The following HIBCH variants were observed in gnomAD, a reference collection of about 807,000 sequenced individuals.
The protein encoded by HIBCH is 3-hydroxyisobutyryl-CoA hydrolase, also known as 3-hydroxyisobutyryl-CoA hydrolase, mitochondrial.
A neutral mutation model predicts 58.2 loss-of-function variants in HIBCH; 50 were observed. The observed-to-expected ratio is 0.86, with a 90% confidence interval of 0.68 to 1.09. The LOEUF (loss-of-function observed/expected upper bound fraction) is 1.09. Ranked by LOEUF, HIBCH falls within the 50% of genes least tolerant of loss-of-function variation. The probability of loss-of-function intolerance (pLI) is 0.00; values close to 1 mark genes in which losing one functional copy is unlikely to be tolerated. For synonymous variants in HIBCH, 151 were observed against 146.9 expected (o/e 1.03, Z -0.20); for missense variants, 450 against 449.7 (o/e 1.00, Z -0.01).
At chr2:190,225,036 A>C (rs1193774585) in intron 11 of HIBCH, among the ~76,000 whole-genome samples, 1 of 152,228 alleles carries the variant, frequency 6.6e-6, no homozygotes, top group African/African-American at 2.4e-5. Flanking sequence ...TACATAACGA[A>C]ATGAAGGCAG....
intron 4 of HIBCH, among the ~76,000 whole-genome samples, chr2:190,290,770 G>A (rs555806368): frequency 3.3e-5 from 5 of 152,200 alleles, no homozygotes; most frequent in African/African-American, 1.2e-4. Flanking sequence ...ACCTGTAATC[G>A]CAGCACTTTG....
In HIBCH at chr2:190,306,838, G is replaced by A. The variant is rs1350787947; in HGVS notation, c.78+3916C>T. 2.6e-5 allele frequency among the ~76,000 whole-genome samples: 4 copies of A among 152,096 alleles called. No individual in the cohort carries two copies. The highest frequency in any genetic ancestry group is 2.9e-5 in the Non-Finnish European group (2 of 68,024). On this transcript the variant is annotated intron_variant, in intron 2 of 13. Transcript: ENST00000359678. The surrounding 1 kb of genome is among the most constrained non-coding windows in gnomAD (Gnocchi z 4.6). ...AGGTCATGTCAGCCCTCATGAATGA[G>A]ATTAACGCCCTTATAAAAGAAACCC... is the stretch of plus-strand genomic sequence containing the variant.
At chr2:190,261,321 A>G in intron 6 of HIBCH, 87 bp from the exon 7 acceptor site, 1 of 946,930 alleles carries the variant, frequency 1.1e-6, no homozygotes, top group Non-Finnish European at 1.7e-6. Flanking sequence ...CAAAATTACA[A>G]AGCAAGTAAA....
At position 190,208,889 on chromosome 2, in the gene HIBCH, C is replaced by T. The variant is rs367938014; in HGVS notation, c.1036G>A (p.Val346Ile). 3.9e-5 allele frequency: 63 copies of T among 1,613,492 alleles called. No homozygotes were observed. Among genetic ancestry groups the T allele is most frequent in the African/African-American group, 2.0e-4 (15 of 74,884 alleles). ...CMRGHDFHEG[V>I]RAVLIDKDQS... Reference sequence around the variant, plus strand: ...CCCATTTGCCACTTACCAGCTCTAACGCCTTCATGAAAGTCATGACCTCTC... The same window carrying T: ...CCCATTTGCCACTTACCAGCTCTAATGCCTTCATGAAAGTCATGACCTCTC... The change falls in exon 13 of 14, where the codon GTT becomes ATT. Residue 346 changes from valine (V) to isoleucine (I), a missense_variant. Coordinates refer to ENST00000359678, the MANE Select transcript of HIBCH (RefSeq NM_014362.4).
At chr2:190,199,923 G>C (rs766241142), downstream of HIBCH, 1 of 1,614,112 alleles carries the variant, frequency 6.2e-7, no homozygotes, top group Non-Finnish European at 8.5e-7. Flanking sequence ...GTGAGAAGCA[G>C]CATGAGAGTG....
intron 6 of HIBCH, among the ~76,000 whole-genome samples, chr2:190,262,700 C>A (rs995783790): frequency 6.6e-6 from 1 of 152,206 alleles, no homozygotes; most frequent in Non-Finnish European, 1.5e-5. Context: ...AACTTAAAAA[C>A]CCCATATTAC....
At chr2:190,233,140 A>T (rs1476969889) in intron 11 of HIBCH, among the ~76,000 whole-genome samples, 1 of 151,996 alleles carries the variant, frequency 6.6e-6, no homozygotes, top group East Asian at 1.9e-4. Flanking sequence ...CATATGTAAC[A>T]TGTTTTATTC....
At chr2:190,265,114 C>T (rs1355393584) in intron 6 of HIBCH, among the ~76,000 whole-genome samples, 1 of 111,232 alleles carries the variant, frequency 9.0e-6, no homozygotes, top group African/African-American at 4.1e-5. Flanking sequence ...CAGAGCAAGA[C>T]TCCGTCTCAA....
chr2:190,276,624 C>A (rs1559048355), intron 6 of HIBCH, among the ~76,000 whole-genome samples: 1 of 152,198 alleles, frequency 6.6e-6, no homozygotes, highest in Admixed American at 6.5e-5. Context: ...CCCTCTCTCG[C>A]TATGTGATAT....
chr2:190,216,947 C>G lies in HIBCH; in HGVS notation c.892-3872G>C, dbSNP rs1183919409. 6.6e-6 allele frequency among the ~76,000 whole-genome samples: 1 copy of G among 152,188 alleles called. No homozygotes were observed. Among genetic ancestry groups the G allele is most frequent in the Non-Finnish European group, 1.5e-5 (1 of 68,030 alleles). Reference sequence around the variant, plus strand: ...CAGCAGGGGTGGTGTGGAATACAAACAGTACAGCTCTCCGCCTGCCAGGGA... The same window carrying G: ...CAGCAGGGGTGGTGTGGAATACAAAGAGTACAGCTCTCCGCCTGCCAGGGA... On this transcript the variant is annotated intron_variant, in intron 11 of 13. Transcript: ENST00000359678. This position sits in a 1 kb window ranked among gnomAD's most constrained non-coding sequence, Gnocchi z 4.2.
chr2:190,311,237 A>G (rs980926493), intron 1 of HIBCH, among the ~76,000 whole-genome samples: 10 of 152,236 alleles, frequency 6.6e-5, no homozygotes, highest in African/African-American at 2.4e-4. Flanking sequence ...GGGCAAAATT[A>G]TGAAATCAGT....
intron 4 of HIBCH, among the ~76,000 whole-genome samples, chr2:190,292,915 T>C (rs1687994171): frequency 6.6e-6 from 1 of 152,236 alleles, no homozygotes; most frequent in South Asian, 2.1e-4. Context: ...CAATCATTTT[T>C]TGAAAATTTT....
Position 190,210,393 on chromosome 2 carries a change from A to G in HIBCH, c.1012-1480T>C, listed in dbSNP as rs1344570804. 2.0e-5 allele frequency among the ~76,000 whole-genome samples: 3 copies of G among 151,926 alleles called. No homozygotes were observed. The highest frequency in any genetic ancestry group is 2.9e-5 in the Non-Finnish European group (2 of 67,970). ...ACTCTCCTGGTCCTCCTACCTCTCC[A>G]TCCTTTTTTTCCTTCCTACTGCTCT... On this transcript the variant is annotated intron_variant, in intron 12 of 13. Coordinates refer to ENST00000359678, the MANE Select transcript of HIBCH (RefSeq NM_014362.4). This position sits in a 1 kb window ranked among gnomAD's most constrained non-coding sequence, Gnocchi z 5.5.
rs879293568 is a variant in HIBCH, at chr2:190,210,384, T to G, written c.1012-1471A>C. Among the ~76,000 whole-genome samples, 1 of 152,186 alleles carries G rather than the reference T, an allele frequency of 6.6e-6. No homozygotes were observed. The highest frequency in any genetic ancestry group is 2.1e-4 in the South Asian group (1 of 4,828). On this transcript the variant is annotated intron_variant, in intron 12 of 13. Coordinates refer to ENST00000359678, the MANE Select transcript of HIBCH (RefSeq NM_014362.4). The surrounding 1 kb of genome is among the most constrained non-coding windows in gnomAD (Gnocchi z 5.5). ...TGACACTACACTCTCCTGGTCCTCC[T>G]ACCTCTCCATCCTTTTTTTCCTTCC... is the stretch of plus-strand genomic sequence containing the variant.
rs756137742 is a variant in HIBCH, at chr2:190,296,859, T to C, written c.173A>G (p.Asn58Ser). Residue 58 changes from asparagine to serine, a missense_variant, in exon 3 of 14, where the codon AAT (asparagine) becomes AGT (serine). Asn to Ser is a conservative substitution (Grantham distance 46). Transcript: ENST00000359678. ...VITLNRPKFL[N>S]ALTLNMIRQI... ...CCGAATCATATTAAGAGTCAGTGCA[T>C]TGAGGAACTTTGGTCTGTTTAGTGT... 14 of 1,613,962 alleles carry C rather than the reference T, an allele frequency of 8.7e-6. No homozygotes were observed. Among genetic ancestry groups the C allele is most frequent in the African/African-American group, 1.3e-5 (1 of 74,930 alleles).
At chr2:190,257,651 G>T (rs201545669) in intron 7 of HIBCH, among the ~76,000 whole-genome samples, 12 of 152,030 alleles carry the variant, frequency 7.9e-5, no homozygotes, top group African/African-American at 2.7e-4. Flanking sequence ...CACAGACCGG[G>T]GTAATTTAGA....
intron 11 of HIBCH, among the ~76,000 whole-genome samples, chr2:190,234,049 T>C (rs1686189440): frequency 6.6e-6 from 1 of 152,056 alleles, no homozygotes; most frequent in African/African-American, 2.4e-5. Flanking sequence ...CCCAGATACT[T>C]GGGAGGCTGA....
intron 7 of HIBCH, among the ~76,000 whole-genome samples, chr2:190,252,927 A>G (rs291404): frequency 0.31 from 47,629 of 152,052 alleles, 8,600 homozygotes; most frequent in African/African-American, 0.48. Flanking sequence ...GGTGGCTCAC[A>G]CCTGTAATCT....
chr2:190,308,735 T>G (rs573717007), intron 2 of HIBCH, among the ~76,000 whole-genome samples: 2 of 152,314 alleles, frequency 1.3e-5, no homozygotes, highest in South Asian at 4.1e-4. Context: ...CAGTTTTAGG[T>G]ATTCTGTTAT....
Sources: allele counts gnomAD v4.1 joint callset (sites outside exome capture counted in the v4.1 genomes callset), GRCh38; gene constraint gnomAD v4.1.1; non-coding constraint Gnocchi (gnomAD v3.1); transcripts MANE v1.5; gene names NCBI Gene and HGNC (gene_info 2026-07-23, HGNC 2026-07-21).